The following TOP6BL variants were observed in gnomAD, a reference collection of about 807,000 sequenced individuals.
TOP6BL encodes the protein TOP6B like initiator of meiotic double strand breaks, also known as type 2 DNA topoisomerase 6 subunit B-like.
the TOP6BL span, among the ~76,000 whole-genome samples, chr11:66,807,125 T>TG: frequency 3.3e-5 from 5 of 152,158 alleles, no homozygotes; most frequent in Non-Finnish European, 7.3e-5. Flanking sequence ...ATTTTAAATA[T>TG]GGGCAGTGAA....
the TOP6BL span, chr11:66,816,287 G>A: frequency 6.0e-6 from 8 of 1,334,886 alleles, no homozygotes; most frequent in African/African-American, 1.5e-5. Flanking sequence ...ATCTAAATTA[G>A]ATATATTTCT....
chr11:66,807,704 C>G, the TOP6BL span, among the ~76,000 whole-genome samples: 2 of 152,056 alleles, frequency 1.3e-5, no homozygotes, highest in Non-Finnish European at 2.9e-5. Flanking sequence ...ATGCTTTTGC[C>G]CTGGAGCAGT....
the TOP6BL span, among the ~76,000 whole-genome samples, chr11:66,818,159 A>G: frequency 0.011 from 1,650 of 152,302 alleles, 37 homozygotes; most frequent in African/African-American, 0.037. Flanking sequence ...GTCATAAGAA[A>G]AAAGAGACTG....
the TOP6BL span, among the ~76,000 whole-genome samples, chr11:66,750,214 AT>A: frequency 1.3e-5 from 2 of 152,118 alleles, no homozygotes; most frequent in Admixed American, 6.6e-5. Flanking sequence ...TTGTAAAAAA[AT>A]GTACACTTAT....
chr11:66,744,969 G>T, the TOP6BL span: 1 of 1,241,208 alleles, frequency 8.1e-7, no homozygotes. Context: ...GAGGAGACGG[G>T]CTTTGTGAGG....
chr11:66,788,191 A>C, the TOP6BL span: 1 of 1,613,804 alleles, frequency 6.2e-7, no homozygotes, highest in African/African-American at 1.3e-5. Context: ...GAATCTCTGC[A>C]AAGCTGACTT....
At chr11:66,781,910 C>T in the TOP6BL span, among the ~76,000 whole-genome samples, 1 of 152,064 alleles carries the variant, frequency 6.6e-6, no homozygotes, top group Non-Finnish European at 1.5e-5. Context: ...ATATTTAGTA[C>T]ATTTTTGTTT....
chr11:66,833,237 C>T, the TOP6BL span, among the ~76,000 whole-genome samples: 5 of 151,646 alleles, frequency 3.3e-5, no homozygotes, highest in South Asian at 2.1e-4. Flanking sequence ...TTAGTAGAGA[C>T]GGGGTTTTGC....
chr11:66,777,178 A>G, the TOP6BL span, among the ~76,000 whole-genome samples: 1 of 150,684 alleles, frequency 6.6e-6, no homozygotes, highest in Non-Finnish European at 1.5e-5. Flanking sequence ...ATGTTATGAC[A>G]TAGTCTTCTA....
At chr11:66,808,723 C>T in the TOP6BL span, among the ~76,000 whole-genome samples, 1 of 152,044 alleles carries the variant, frequency 6.6e-6, no homozygotes, top group Non-Finnish European at 1.5e-5. Context: ...TTAAGTACAA[C>T]TTAAGTGAAT....
At chr11:66,800,587 T>C in the TOP6BL span, 6 of 1,427,446 alleles carry the variant, frequency 4.2e-6, no homozygotes, top group Non-Finnish European at 9.5e-7. Flanking sequence ...ATGGAAGTTT[T>C]TAATCTGTAT....
the TOP6BL span, among the ~76,000 whole-genome samples, chr11:66,840,797 T>C: frequency 6.6e-6 from 1 of 152,198 alleles, no homozygotes; most frequent in Non-Finnish European, 1.5e-5. Context: ...GGTTTTTCCC[T>C]CCCTGGGCTT....
the TOP6BL span, chr11:66,801,131 T>C: frequency 1.1e-5 from 17 of 1,598,686 alleles, no homozygotes; most frequent in East Asian, 3.1e-4. Context: ...GTTGTCCCTC[T>C]GCATGTTTTA....
chr11:66,756,085 T>C, the TOP6BL span, among the ~76,000 whole-genome samples: 1 of 152,174 alleles, frequency 6.6e-6, no homozygotes, highest in Non-Finnish European at 1.5e-5. Flanking sequence ...AGCCAAGAGA[T>C]AATTAGTTTT....
the TOP6BL span, among the ~76,000 whole-genome samples, chr11:66,763,903 GC>G: frequency 6.6e-6 from 1 of 152,182 alleles, no homozygotes; most frequent in East Asian, 1.9e-4. Context: ...ACCCTGCCCA[GC>G]CAAGATTTTT....
chr11:66,816,546 G>C, the TOP6BL span, among the ~76,000 whole-genome samples: 1 of 152,104 alleles, frequency 6.6e-6, no homozygotes, highest in South Asian at 2.1e-4. Flanking sequence ...GACTGAGGTG[G>C]GGCTTAGGGT....
the TOP6BL span, among the ~76,000 whole-genome samples, chr11:66,787,033 A>G: frequency 6.6e-6 from 1 of 151,614 alleles, no homozygotes; most frequent in African/African-American, 2.4e-5. Flanking sequence ...TCCCAGGTTC[A>G]AGCAAGTCTC....
the TOP6BL span, chr11:66,761,642 G>A: frequency 4.2e-6 from 5 of 1,194,206 alleles, no homozygotes; most frequent in Non-Finnish European, 5.9e-6. Flanking sequence ...CTCCGGGGCT[G>A]TGCGAAGCTC....
the TOP6BL span, among the ~76,000 whole-genome samples, chr11:66,760,916 G>A: frequency 1.3e-5 from 2 of 150,566 alleles, no homozygotes; most frequent in African/African-American, 2.4e-5. Flanking sequence ...AATTTTCTTC[G>A]TGCTTTGTAA....
Sources: gnomAD v4.1 joint callset for allele counts (sites outside exome capture counted in the v4.1 genomes callset) on GRCh38, gnomAD v4.1.1 for gene constraint, MANE v1.5 for transcripts, NCBI Gene and HGNC (gene_info 2026-07-23, HGNC 2026-07-21) for gene names.